PANK4: variants seen among roughly 807,000 people sequenced by gnomAD.
PANK4 encodes 4'-phosphopantetheine phosphatase.
A neutral mutation model predicts 87.9 loss-of-function variants in PANK4; 40 were observed. The ratio of observed to expected loss-of-function variants is 0.46; its 90% CI spans 0.35 to 0.59. The LOEUF is 0.59. Among genes scored for constraint, PANK4 ranks in the 20% least tolerant of loss-of-function variants. PANK4 has a pLI of 0.00. For synonymous variants in PANK4, 524 were observed against 467.4 expected (o/e 1.12, Z -1.56); for missense variants, 926 against 1,072.3 (o/e 0.86, Z 1.90).
At chr1:2,511,412 A>C (rs762581669) in intron 14 of PANK4, 25 bp from the exon 15 acceptor site, 5 of 1,580,586 alleles carry the variant, frequency 3.2e-6, no homozygotes, top group Non-Finnish European at 4.3e-6. Context: ...GGGACACATG[A>C]TTAGCCCGGT....
In PANK4 at chr1:2,515,792, A is replaced by ACT. The variant is rs947778948; in HGVS notation, c.1219-77_1219-76dup. ...ACCCAAGCCACACTCAGAAGCTTCCACTCTCTCTCTAAGAAGGGAGATGTA... is the reference window on the plus strand; with the variant it reads ...ACCCAAGCCACACTCAGAAGCTTCCACTCTCTCTCTCTAAGAAGGGAGATGTA... On this transcript the variant is annotated intron_variant, in intron 9 of 18. Transcript: ENST00000378466. The surrounding 1 kb of genome is among the most constrained non-coding windows in gnomAD (Gnocchi z 5.0). The ACT allele has an allele frequency of 7.3e-7, 1 of 1,379,054 alleles. No homozygotes were observed. Among genetic ancestry groups the ACT allele is most frequent in the Non-Finnish European group, 1.0e-6 (1 of 991,836 alleles). The allele number at this position is 1,379,054 out of a possible 1,614,324, so 85.4% of individuals were successfully genotyped here.
At chr1:2,524,798 T>G (rs1022040157) in intron 1 of PANK4, among the ~76,000 whole-genome samples, 1 of 152,142 alleles carries the variant, frequency 6.6e-6, no homozygotes, top group East Asian at 1.9e-4. Flanking sequence ...AATCCCCCAG[T>G]GTAAGGGCAG....
intron 12 of PANK4, among the ~76,000 whole-genome samples, chr1:2,513,478 G>A (rs1643701374): frequency 1.3e-5 from 2 of 152,262 alleles, no homozygotes; most frequent in Admixed American, 1.3e-4. Flanking sequence ...GGGCCAAGGA[G>A]GGCTCTGGCC....
Position 2,520,232 on chromosome 1 carries a change from A to T in PANK4, c.699+90T>A. 1.6e-6 allele frequency: 2 copies of T among 1,237,500 alleles called. No individual in the cohort carries two copies. Among genetic ancestry groups the T allele is most frequent in the Non-Finnish European group, 2.4e-6 (2 of 844,616 alleles). 76.7% of individuals were successfully genotyped at this position (1,237,500 alleles called of 1,614,324 possible). On this transcript the variant is annotated intron_variant, in intron 5 of 18. Coordinates refer to ENST00000378466, the MANE Select transcript of PANK4 (RefSeq NM_018216.4). The surrounding 1 kb of genome is among the most constrained non-coding windows in gnomAD (Gnocchi z 6.2). ...CGAGTCAGGAGGGAGGCCCGGAAGC[A>T]GCTTTTGCACCGCCCAGCTGCAGGC...
chr1:2,523,092 T>C (rs1257458178), intron 1 of PANK4, among the ~76,000 whole-genome samples: 1 of 152,108 alleles, frequency 6.6e-6, no homozygotes. Flanking sequence ...AAATTATTGT[T>C]TTTTGACAAA....
In PANK4 at chr1:2,511,621, T is replaced by C. The variant is rs1454183400; in HGVS notation, c.1783+7A>G. 1 of 1,598,128 alleles carries C rather than the reference T, an allele frequency of 6.3e-7. No homozygotes were observed. Among genetic ancestry groups the C allele is most frequent in the African/African-American group, 1.3e-5 (1 of 74,650 alleles). ...GGCAAGGCCCCAAGTTACTTGGCCA[T>C]CCGTACCTTGTAACTTCCTCTTTGC... is the stretch of plus-strand genomic sequence containing the variant. On this transcript the variant is annotated splice_region_variant and intron_variant, in intron 14 of 18. Coordinates refer to ENST00000378466, the MANE Select transcript of PANK4 (RefSeq NM_018216.4).
Position 2,512,905 on chromosome 1 carries a change from C to A in PANK4, c.1710G>T (p.Gly570=). The change falls in exon 13 of 19, where the codon GGG becomes GGT. Residue 570 remains glycine, a synonymous_variant. Transcript: ENST00000378466. ...GLLAGNVFDW[G]AKAVSAVLES... is the part of the protein sequence containing the mutation. ...ACACCTACGCAGACACGGCTTTGGC[C>A]CCCCAGTCGAAGACATTCCCCGCCA... The A allele has an allele frequency of 6.2e-7, 1 of 1,612,804 alleles. No homozygotes were observed. Among genetic ancestry groups the A allele is most frequent in the Non-Finnish European group, 8.5e-7 (1 of 1,179,862 alleles).
At position 2,509,232 on chromosome 1, in the gene PANK4, A is replaced by C. The variant is rs1557434756; in HGVS notation, c.2109-172T>G. Among the ~76,000 whole-genome samples, 1 of 152,066 alleles carries C rather than the reference A, an allele frequency of 6.6e-6. No individual in the cohort carries two copies. The highest frequency in any genetic ancestry group is 6.5e-5 in the Admixed American group (1 of 15,272). ...CTGCCTCAGCCTGGGGCTTCCTCAG[A>C]GCAGCAGCTCACACAGGGCCAGAGC... On this transcript the variant is annotated intron_variant, in intron 18 of 18. Coordinates refer to ENST00000378466, the MANE Select transcript of PANK4 (RefSeq NM_018216.4). This position sits in a 1 kb window ranked among gnomAD's most constrained non-coding sequence, Gnocchi z 4.9.
At chr1:2,512,716 A>G in intron 13 of PANK4, 172 bp downstream of exon 13, 2 of 668,406 alleles carry the variant, frequency 3.0e-6, no homozygotes, top group East Asian at 5.3e-5. Context: ...CGCCCTGCCC[A>G]GCCCCTGGCG....
chr1:2,520,979 C>G lies in PANK4; in HGVS notation c.423-73G>C. The G allele has an allele frequency of 1.3e-6, 2 of 1,523,838 alleles. No individual in the cohort carries two copies. Among genetic ancestry groups the G allele is most frequent in the Non-Finnish European group, 1.8e-6 (2 of 1,121,066 alleles). 94.4% of individuals were successfully genotyped at this position (1,523,838 alleles called of 1,614,324 possible). A position where few individuals can be genotyped will look rare whatever the true frequency, so the allele number is the denominator to read the frequency against. On this transcript the variant is annotated intron_variant, in intron 3 of 18. Transcript: ENST00000378466. This position sits in a 1 kb window ranked among gnomAD's most constrained non-coding sequence, Gnocchi z 6.2. ...TGCAACCATGCAAGCCTGCCTGGTC[C>G]GAAGGGGCAGCCATGCCCCATGCGC... is the stretch of plus-strand genomic sequence containing the variant.
intron 9 of PANK4, among the ~76,000 whole-genome samples, chr1:2,517,464 C>T (rs1156725084): frequency 1.3e-5 from 2 of 152,266 alleles, no homozygotes; most frequent in African/African-American, 4.8e-5. Flanking sequence ...GTTAACTGCT[C>T]ACAGCTACAG....
chr1:2,521,035 T>G, intron 3 of PANK4, 66 bp downstream of exon 3: 1 of 1,539,240 alleles, frequency 6.5e-7, no homozygotes, highest in Admixed American at 1.7e-5. Context: ...GGGACGCGGC[T>G]CTGGGACACC....
intron 1 of PANK4, among the ~76,000 whole-genome samples, chr1:2,522,544 C>A (rs1293972612): frequency 2.0e-5 from 3 of 151,926 alleles, no homozygotes; most frequent in African/African-American, 7.3e-5. Flanking sequence ...TGAAAAGATT[C>A]TTGAAGAAGG....
chr1:2,511,431 T>A (rs752956223), intron 14 of PANK4, 44 bp from the exon 15 acceptor site: 3 of 1,448,472 alleles, frequency 2.1e-6, no homozygotes, highest in South Asian at 2.3e-5. Flanking sequence ...GTGCTCCAGG[T>A]CAGGGGTCAG....
chr1:2,515,425 C>G lies in PANK4; in HGVS notation c.1374+137G>C. On this transcript the variant is annotated intron_variant, in intron 10 of 18. Transcript: ENST00000378466. The surrounding 1 kb of genome is among the most constrained non-coding windows in gnomAD (Gnocchi z 5.0). ...GCCTGAGAAACCAAAATCGCCCCCT[C>G]ACTCAGACGCAGATCAAGGGGTTTC... 1.0e-6 allele frequency: 1 copy of G among 982,916 alleles called. No homozygotes were observed. 60.9% of individuals were successfully genotyped at this position (982,916 alleles called of 1,614,324 possible).
At chr1:2,518,110 G>A in intron 9 of PANK4, 54 bp downstream of exon 9, 2 of 1,112,470 alleles carry the variant, frequency 1.8e-6, no homozygotes, top group Non-Finnish European at 2.6e-6. Context: ...GGCGAGGTGA[G>A]TGCGGCATAG....
intron 15 of PANK4, among the ~76,000 whole-genome samples, chr1:2,511,126 C>A (rs1643653427): frequency 6.6e-6 from 1 of 152,202 alleles, no homozygotes; most frequent in East Asian, 1.9e-4. Flanking sequence ...TCTGGCAAGG[C>A]TTTGTGCCTA....
At position 2,511,403 on chromosome 1, in the gene PANK4, G is replaced by A. The variant is rs1251918530; in HGVS notation, c.1784-16C>T. On this transcript the variant is annotated splice_polypyrimidine_tract_variant and intron_variant, in intron 14 of 18. Coordinates refer to ENST00000378466, the MANE Select transcript of PANK4 (RefSeq NM_018216.4). ...CAGGGTCTTTCTGAGACAGAGAGAG[G>A]GACACATGATTAGCCCGGTGCTCCA... 1 of 1,597,822 alleles carries A rather than the reference G, an allele frequency of 6.3e-7. No homozygotes were observed. Among genetic ancestry groups the A allele is most frequent in the Non-Finnish European group, 8.6e-7 (1 of 1,166,270 alleles).
Position 2,520,073 on chromosome 1 carries a change from G to T in PANK4, c.700-119C>A. ...GGCAGGGGGTAAATGGGCCCTCATC[G>T]CGTGGGACCAAAGGCAGGAGGCGGC... On this transcript the variant is annotated intron_variant, in intron 5 of 18. Coordinates refer to ENST00000378466, the MANE Select transcript of PANK4 (RefSeq NM_018216.4). The surrounding 1 kb of genome is among the most constrained non-coding windows in gnomAD (Gnocchi z 6.2). 3.0e-6 allele frequency: 3 copies of T among 998,840 alleles called. No homozygotes were observed. Among genetic ancestry groups the T allele is most frequent in the Non-Finnish European group, 4.3e-6 (3 of 692,890 alleles). 61.9% of individuals were successfully genotyped at this position (998,840 alleles called of 1,614,324 possible).
Sources: gnomAD v4.1 joint callset for allele counts (sites outside exome capture counted in the v4.1 genomes callset) on GRCh38, gnomAD v4.1.1 for gene constraint, Gnocchi (gnomAD v3.1) non-coding constraint, MANE v1.5 for transcripts, NCBI Gene and HGNC (gene_info 2026-07-23, HGNC 2026-07-21) for gene names.